Variants in GALNT7 observed in about 807,000 individuals in gnomAD.
GALNT7 encodes N-acetylgalactosaminyltransferase 7.
In GALNT7, 60 loss-of-function variants were observed where a neutral mutation model predicts 82.1. That is an observed-to-expected ratio of 0.73 (90% CI 0.59 to 0.91). The LOEUF (loss-of-function observed/expected upper bound fraction) is 0.91. GALNT7 is among the 40% of genes least tolerant of loss of function. The pLI, the probability that GALNT7 is intolerant of heterozygous loss-of-function variation, is 0.00. For synonymous variants in GALNT7, 243 were observed against 275.1 expected, an observed-to-expected ratio of 0.88 and a Z score of 1.15; for missense variants, 660 against 804.2, an observed-to-expected ratio of 0.82 and a Z score of 2.17.
At chr4:173,222,921 AAGGTTAGACTGCTAAGGTTAG>A (rs1733689613) in intron 1 of GALNT7, among the ~76,000 whole-genome samples, 1 of 152,202 alleles carries the variant, frequency 6.6e-6, no homozygotes, top group Non-Finnish European at 1.5e-5. Context: ...AATGACTACT[AAGGTTAGACTGCTAAGGTTAG>A]AGGTTAGACT....
In GALNT7 at chr4:173,292,249, G is replaced by A; in HGVS notation, c.729G>A (p.Val243=). The A allele has an allele frequency of 6.4e-7, 1 of 1,574,760 alleles. No individual in the cohort carries two copies. The highest frequency in any genetic ancestry group is 8.6e-7 in the Non-Finnish European group (1 of 1,159,632). ...RTPRKYLAEI[V]LIDDFSNKEH... ...CAAGGAAATATTTAGCAGAAATTGTGTTAATTGACGATTTCAGTAATAAAG... is the reference window on the plus strand; with the variant it reads ...CAAGGAAATATTTAGCAGAAATTGTATTAATTGACGATTTCAGTAATAAAG... The change falls in exon 3 of 12, where the codon GTG becomes GTA. Residue 243 remains valine (V), a synonymous_variant. Transcript: ENST00000265000. The surrounding 1 kb of genome is among the most constrained non-coding windows in gnomAD (Gnocchi z 4.8).
intron 8 of GALNT7, 89 bp from the exon 9 acceptor site, chr4:173,313,869 G>A: frequency 2.0e-6 from 1 of 506,192 alleles, no homozygotes. Flanking sequence ...GTTATGTGTA[G>A]GCCATTTTCA....
At chr4:173,265,615 C>G (rs1216694390) in intron 2 of GALNT7, among the ~76,000 whole-genome samples, 13 of 141,110 alleles carry the variant, frequency 9.2e-5, no homozygotes, top group Admixed American at 1.4e-4. Flanking sequence ...CTCTCTCTCT[C>G]TCTCTGTCTC....
chr4:173,317,653 C>T lies in GALNT7; in HGVS notation c.1628C>T (p.Ala543Val). ...TTTTAGATCAGAGGCTTCGAAACTG[C>T]TTACTGCATTGATAGCATGGGAAAA... is the stretch of plus-strand genomic sequence containing the variant. The part of the protein sequence containing the change: ...DWGEIRGFET[A>V]YCIDSMGKTN... The change falls in exon 10 of 12, where the codon GCT (alanine) becomes GTT (valine). Residue 543 changes from alanine to valine, a missense_variant. Coordinates refer to ENST00000265000, the MANE Select transcript of GALNT7 (RefSeq NM_017423.3). The T allele has an allele frequency of 1.2e-6, 2 of 1,611,060 alleles. No homozygotes were observed. The highest frequency in any genetic ancestry group is 2.2e-5 in the South Asian group (2 of 90,982).
chr4:173,216,147 G>T (rs181781275), intron 1 of GALNT7, among the ~76,000 whole-genome samples: 11 of 152,188 alleles, frequency 7.2e-5, no homozygotes, highest in Non-Finnish European at 1.3e-4. Context: ...GCTTTAAAGT[G>T]AACTAATAAT....
At chr4:173,251,706 C>G (rs1374355039) in intron 2 of GALNT7, among the ~76,000 whole-genome samples, 2 of 152,278 alleles carry the variant, frequency 1.3e-5, no homozygotes, top group African/African-American at 4.8e-5. Flanking sequence ...GTCCCGTGTT[C>G]TTTCCTCTGG....
intron 1 of GALNT7, among the ~76,000 whole-genome samples, chr4:173,208,195 T>A (rs879868095): frequency 6.6e-6 from 1 of 152,204 alleles, no homozygotes; most frequent in Admixed American, 6.5e-5. Context: ...TATTCAAGGT[T>A]ACAAAAGATG....
chr4:173,260,183 A>G (rs373695851), intron 2 of GALNT7, among the ~76,000 whole-genome samples: 66 of 152,224 alleles, frequency 4.3e-4, no homozygotes, highest in Non-Finnish European at 8.1e-4. Flanking sequence ...AGTGTCTTCA[A>G]TAGGTTCAGG....
intron 2 of GALNT7, among the ~76,000 whole-genome samples, chr4:173,257,846 A>C (rs1256605691): frequency 6.6e-6 from 1 of 152,218 alleles, no homozygotes; most frequent in Non-Finnish European, 1.5e-5. Flanking sequence ...CCACATTCTT[A>C]AGACCCTGGA....
chr4:173,212,319 A>G (rs1733306172), intron 1 of GALNT7, among the ~76,000 whole-genome samples: 1 of 152,224 alleles, frequency 6.6e-6, no homozygotes, highest in South Asian at 2.1e-4. Context: ...TTAAGTCTAC[A>G]AAAGTCACAA....
intron 1 of GALNT7, among the ~76,000 whole-genome samples, chr4:173,206,312 T>C (rs759600991): frequency 1.6e-4 from 25 of 152,220 alleles, no homozygotes; most frequent in Non-Finnish European, 3.1e-4. Flanking sequence ...CTTCCTACCT[T>C]CTTCAATGCT....
At chr4:173,226,527 A>G (rs1485519981) in intron 1 of GALNT7, among the ~76,000 whole-genome samples, 2 of 152,144 alleles carry the variant, frequency 1.3e-5, no homozygotes, top group Non-Finnish European at 2.9e-5. Context: ...GATCTCCTCA[A>G]TTTCAACCCC....
intron 1 of GALNT7, among the ~76,000 whole-genome samples, chr4:173,188,714 G>T (rs1288949559): frequency 6.6e-6 from 1 of 152,128 alleles, no homozygotes; most frequent in Admixed American, 6.5e-5. Context: ...GTGCAGCATG[G>T]TATCATCCAG....
chr4:173,214,606 A>G (rs998717041), intron 1 of GALNT7, among the ~76,000 whole-genome samples: 3 of 152,210 alleles, frequency 2.0e-5, no homozygotes, highest in African/African-American at 7.2e-5. Flanking sequence ...AGCCATGGGA[A>G]CAGTGAAGTG....
In GALNT7 at chr4:173,295,854, CT is replaced by C; in HGVS notation, c.965+13del. The C allele has an allele frequency of 6.6e-7, 1 of 1,525,120 alleles. No homozygotes were observed. Among genetic ancestry groups the C allele is most frequent in the Non-Finnish European group, 9.1e-7 (1 of 1,099,126 alleles). The allele number at this position is 1,525,120 out of a possible 1,614,324, so 94.5% of individuals were successfully genotyped here. The stretch of plus-strand genomic sequence containing the variant: ...CATATCTAAGGACAGGTAACATTAC[CT>C]TGCTTTTTTTCTTTCCTGGTTGAAA... On this transcript the variant is annotated intron_variant, in intron 5 of 11. Transcript: ENST00000265000.
chr4:173,281,170 C>A (rs1736095982), intron 2 of GALNT7, among the ~76,000 whole-genome samples: 1 of 152,162 alleles, frequency 6.6e-6, no homozygotes, highest in African/African-American at 2.4e-5. Flanking sequence ...TGGTTCTGGC[C>A]TGCTTACCTC....
intron 1 of GALNT7, among the ~76,000 whole-genome samples, chr4:173,220,823 A>G (rs1733621034): frequency 1.3e-5 from 2 of 152,102 alleles, no homozygotes; most frequent in Non-Finnish European, 2.9e-5. Flanking sequence ...CCTACAAAGG[A>G]CGTGAACTCA....
chr4:173,196,106 A>T (rs1421716148), intron 1 of GALNT7, among the ~76,000 whole-genome samples: 2 of 151,568 alleles, frequency 1.3e-5, no homozygotes, highest in Non-Finnish European at 2.9e-5. Flanking sequence ...ATTTTAATAC[A>T]GAAGGGAGTT....
At chr4:173,294,342 C>T (rs896283471) in intron 3 of GALNT7, among the ~76,000 whole-genome samples, 5 of 150,398 alleles carry the variant, frequency 3.3e-5, no homozygotes, top group East Asian at 1.9e-4. Context: ...TGATTAAGCA[C>T]GAGAATTTTA....
Sources: allele counts gnomAD v4.1 joint callset (sites outside exome capture counted in the v4.1 genomes callset), GRCh38; gene constraint gnomAD v4.1.1; non-coding constraint Gnocchi (gnomAD v3.1); transcripts MANE v1.5; gene names NCBI Gene and HGNC (gene_info 2026-07-23, HGNC 2026-07-21).